Variants in BCKDHB observed in about 807,000 individuals in gnomAD.
BCKDHB encodes 2-oxoisovalerate dehydrogenase subunit beta, mitochondrial.
A neutral mutation model predicts 48.5 loss-of-function variants in BCKDHB; 41 were observed. The ratio of observed to expected loss-of-function variants is 0.85; its 90% CI spans 0.66 to 1.10. The LOEUF is 1.10. Ranked by LOEUF, BCKDHB falls within the 50% of genes least tolerant of loss-of-function variation. BCKDHB has a pLI of 0.00. For synonymous variants in BCKDHB, 201 were observed against 174.8 expected, an observed-to-expected ratio of 1.15 and a Z score of -1.18; for missense variants, 496 against 494.2, an observed-to-expected ratio of 1.00 and a Z score of -0.03.
chr6:80,181,665 T>A (rs1445209761), intron 6 of BCKDHB, among the ~76,000 whole-genome samples: 1 of 152,216 alleles, frequency 6.6e-6, no homozygotes, highest in Non-Finnish European at 1.5e-5. Flanking sequence ...CTCAAGCTTG[T>A]TCACCTGGTG....
At chr6:80,110,458 C>T (rs1769355436) in intron 1 of BCKDHB, among the ~76,000 whole-genome samples, 1 of 152,148 alleles carries the variant, frequency 6.6e-6, no homozygotes, top group South Asian at 2.1e-4. Context: ...AGTATACTCC[C>T]ATTTCTTAAT....
intron 1 of BCKDHB, among the ~76,000 whole-genome samples, chr6:80,110,309 G>A (rs2127705251): frequency 6.6e-6 from 1 of 152,322 alleles, no homozygotes; most frequent in African/African-American, 2.4e-5. Flanking sequence ...TGCTAAGGAT[G>A]TGATCATGGA....
chr6:80,279,311 G>A (rs1778101331), intron 9 of BCKDHB, among the ~76,000 whole-genome samples: 2 of 151,800 alleles, frequency 1.3e-5, no homozygotes, highest in South Asian at 2.1e-4. Flanking sequence ...CTGCTGCCAC[G>A]CCCATCTAAT....
At position 80,203,191 on chromosome 6, in the gene BCKDHB, G is replaced by A; in HGVS notation, c.930G>A (p.Trp310Ter). Reference sequence around the variant, plus strand: ...TTGATCTGAGGACTATAATACCTTGGGATGTGGACACAATTTGTAAGGTAT... The same window carrying A: ...TTGATCTGAGGACTATAATACCTTGAGATGTGGACACAATTTGTAAGGTAT... ...EVIDLRTIIP[W>*]DVDTICKSVI... The change falls in exon 8 of 10, where the codon TGG becomes TGA. Residue 310 changes from tryptophan to a stop codon, truncating the protein, a stop_gained. Transcript: ENST00000320393. LOFTEE classifies it high-confidence loss of function. 6.2e-7 allele frequency: 1 copy of A among 1,607,304 alleles called. No homozygotes were observed. Among genetic ancestry groups the A allele is most frequent in the Non-Finnish European group, 8.5e-7 (1 of 1,174,088 alleles).
At chr6:80,426,709 A>T in the BCKDHB span, among the ~76,000 whole-genome samples, 6 of 152,128 alleles carry the variant, frequency 3.9e-5, no homozygotes, top group African/African-American at 7.2e-5. Flanking sequence ...TTAATCTTTA[A>T]AAAATGTACT....
the BCKDHB span, among the ~76,000 whole-genome samples, chr6:80,417,594 T>C: frequency 6.6e-6 from 1 of 152,212 alleles, no homozygotes; most frequent in African/African-American, 2.4e-5. Context: ...CCTTCACTTA[T>C]GATGTTTAGT....
chr6:80,395,214 G>A, the BCKDHB span, among the ~76,000 whole-genome samples: 846 of 152,300 alleles, frequency 5.6e-3, 13 homozygotes, highest in Non-Finnish European at 4.2e-3. Context: ...AACAGAGCTT[G>A]GAACAGCTTG....
intron 3 of BCKDHB, among the ~76,000 whole-genome samples, chr6:80,154,441 A>C (rs547217483): frequency 6.6e-6 from 1 of 152,244 alleles, no homozygotes; most frequent in South Asian, 2.1e-4. Context: ...TTGAGAGACT[A>C]TTATCTTCAG....
intron 5 of BCKDHB, 105 bp downstream of exon 5, chr6:80,169,135 T>C: frequency 6.9e-7 from 1 of 1,452,316 alleles, no homozygotes; most frequent in Non-Finnish European, 9.5e-7. Flanking sequence ...CAAACAGGAT[T>C]CTTGGAATTT....
At chr6:80,425,040 G>C in the BCKDHB span, among the ~76,000 whole-genome samples, 1 of 152,164 alleles carries the variant, frequency 6.6e-6, no homozygotes, top group African/African-American at 2.4e-5. Flanking sequence ...ATAGATGACT[G>C]TCTGAAAAAG....
chr6:80,161,945 G>C (rs1772337825), intron 3 of BCKDHB, among the ~76,000 whole-genome samples: 1 of 152,106 alleles, frequency 6.6e-6, no homozygotes, highest in Admixed American at 6.6e-5. Flanking sequence ...TCATTTCCCT[G>C]ATTACCTTTC....
chr6:80,396,391 T>C, the BCKDHB span, among the ~76,000 whole-genome samples: 1 of 152,248 alleles, frequency 6.6e-6, no homozygotes, highest in Non-Finnish European at 1.5e-5. Context: ...TACAGGCTCA[T>C]AGACAGAAGA....
At chr6:80,450,315 G>A in the BCKDHB span, among the ~76,000 whole-genome samples, 1 of 152,208 alleles carries the variant, frequency 6.6e-6, no homozygotes, top group South Asian at 2.1e-4. Context: ...GTATTAATCA[G>A]CTTTTCTTTT....
At chr6:80,341,350 T>G (rs1292475039) in intron 9 of BCKDHB, among the ~76,000 whole-genome samples, 1 of 152,174 alleles carries the variant, frequency 6.6e-6, no homozygotes, top group Admixed American at 6.5e-5. Flanking sequence ...CATCATTTAT[T>G]ACAAAATTAA....
intron 1 of BCKDHB, among the ~76,000 whole-genome samples, chr6:80,121,716 C>T (rs1033042467): frequency 2.0e-5 from 3 of 152,316 alleles, no homozygotes; most frequent in Admixed American, 6.5e-5. Context: ...TATCTTGAAA[C>T]TTTGCAGAAT....
chr6:80,361,599 G>A, the BCKDHB span, among the ~76,000 whole-genome samples: 2 of 152,136 alleles, frequency 1.3e-5, no homozygotes, highest in African/African-American at 2.4e-5. Context: ...CCTGTCTGAC[G>A]CTGCTCTTAC....
chr6:80,465,548 C>T, the BCKDHB span, among the ~76,000 whole-genome samples: 415 of 152,292 alleles, frequency 2.7e-3, 3 homozygotes, highest in African/African-American at 9.6e-3. Context: ...TTCATGGAGA[C>T]ATGAATGCTT....
chr6:80,156,764 TTAAAG>T (rs1200410600), intron 3 of BCKDHB, among the ~76,000 whole-genome samples: 3 of 152,174 alleles, frequency 2.0e-5, no homozygotes, highest in Admixed American at 6.5e-5. Context: ...ATTAGAATGA[TTAAAG>T]TAAAAACAAA....
intron 9 of BCKDHB, among the ~76,000 whole-genome samples, chr6:80,292,295 T>C (rs570296247): frequency 4.4e-4 from 67 of 152,336 alleles, no homozygotes; most frequent in African/African-American, 1.5e-3. Context: ...TATTGGGTAA[T>C]TTATAAAGGA....
Sources: gnomAD v4.1 joint callset for allele counts (sites outside exome capture counted in the v4.1 genomes callset) on GRCh38, gnomAD v4.1.1 for gene constraint, MANE v1.5 for transcripts, NCBI Gene and HGNC (gene_info 2026-07-23, HGNC 2026-07-21) for gene names.